The following MARCO variants were observed in gnomAD, a reference collection of about 807,000 sequenced individuals.
The protein encoded by MARCO is macrophage receptor MARCO.
Under a neutral mutation model 70.0 loss-of-function variants are expected in MARCO, and 72 were observed. The observed-to-expected ratio is 1.03, with a 90% CI of 0.85 to 1.25. The LOEUF (loss-of-function observed/expected upper bound fraction) is 1.25, where lower values mean the gene tolerates loss of function less well. MARCO is among the 50% of genes most tolerant of loss of function. The pLI, the probability that MARCO is intolerant of heterozygous loss-of-function variation, is 0.00. For missense variants in MARCO, 696 were observed against 659.3 expected (o/e 1.06, Z -0.61); for synonymous variants, 273 against 243.1 (o/e 1.12, Z -1.14).
intron 8 of MARCO, 110 bp from the exon 9 acceptor site, chr2:118,981,299 T>A (rs1680383395): frequency 9.7e-6 from 7 of 723,058 alleles, no homozygotes; most frequent in Non-Finnish European, 1.4e-5. Flanking sequence ...AAGTAGGAGC[T>A]CAAGGAGTTT....
intron 12 of MARCO, among the ~76,000 whole-genome samples, chr2:118,983,501 G>C (rs911283668): frequency 2.0e-5 from 3 of 152,162 alleles, no homozygotes; most frequent in Non-Finnish European, 4.4e-5. Flanking sequence ...TCGAGCCCCA[G>C]AGCAATTGTG....
chr2:118,993,369 T>C lies in MARCO; in HGVS notation c.1429+69T>C, dbSNP rs1254495996. 4 of 1,468,352 alleles carry C rather than the reference T, an allele frequency of 2.7e-6. No homozygotes were observed. The African/African-American group carries it at 5.6e-5, about 21-fold the overall frequency. 91.0% of individuals were successfully genotyped at this position (1,468,352 alleles called of 1,614,324 possible). On this transcript the variant is annotated intron_variant, in intron 16 of 16. Transcript: ENST00000327097. Reference sequence around the variant, plus strand: ...ATGTGGCTTTCTCTCGCTGGTGGGGTGTTGGCAAGTGACTCAGTGTGGTTT... The same window carrying C: ...ATGTGGCTTTCTCTCGCTGGTGGGGCGTTGGCAAGTGACTCAGTGTGGTTT...
chr2:118,950,480 G>C (rs964283800), intron 1 of MARCO, among the ~76,000 whole-genome samples: 2 of 152,060 alleles, frequency 1.3e-5, no homozygotes, highest in Non-Finnish European at 2.9e-5. Flanking sequence ...TTTTAATGTA[G>C]GTAGAAATCC....
chr2:118,968,277 C>T (rs1043154440), intron 1 of MARCO, among the ~76,000 whole-genome samples: 5 of 152,082 alleles, frequency 3.3e-5, no homozygotes, highest in African/African-American at 1.2e-4. Context: ...TTTGTAATGT[C>T]GCAAACTGGA....
At chr2:118,948,158 C>A (rs1679638847) in intron 1 of MARCO, among the ~76,000 whole-genome samples, 1 of 152,168 alleles carries the variant, frequency 6.6e-6, no homozygotes. Flanking sequence ...GACAAAAGAT[C>A]TCTCAGCAAG....
chr2:118,990,761 AGGG>A, intron 13 of MARCO, 128 bp downstream of exon 13: 2 of 876,320 alleles, frequency 2.3e-6, no homozygotes, highest in African/African-American at 1.7e-5. Context: ...TTAAGACTCC[AGGG>A]CTCTGTCACT....
At chr2:118,957,500 A>T (rs1679860131) in intron 1 of MARCO, among the ~76,000 whole-genome samples, 1 of 151,918 alleles carries the variant, frequency 6.6e-6, no homozygotes. Context: ...TAATTTAAAA[A>T]TTACCCCCCA....
chr2:118,962,017 T>C (rs1285260904), intron 1 of MARCO, among the ~76,000 whole-genome samples: 2 of 152,046 alleles, frequency 1.3e-5, no homozygotes, highest in Non-Finnish European at 2.9e-5. Context: ...TTGTTGAAGA[T>C]CAGATGCTCG....
chr2:118,945,636 C>A (rs926487737), intron 1 of MARCO, among the ~76,000 whole-genome samples: 4 of 152,002 alleles, frequency 2.6e-5, no homozygotes, highest in African/African-American at 7.3e-5. Context: ...TGGTGTCCAA[C>A]TCCTGACCTC....
At chr2:118,971,068 G>A (rs573699824) in intron 3 of MARCO, among the ~76,000 whole-genome samples, 1 of 152,316 alleles carries the variant, frequency 6.6e-6, no homozygotes, top group South Asian at 2.1e-4. Context: ...AAAAGACGAA[G>A]GCTGAGTGGG....
In MARCO at chr2:118,982,149, C is replaced by T. The variant is rs765502861; in HGVS notation, c.902-7C>T. ...CCACAGCCTGGCAGTCACTACTTTC[C>T]TTTCAGGACAACCTGGACTGCAGGG... On this transcript the variant is annotated splice_region_variant and splice_polypyrimidine_tract_variant and intron_variant, in intron 10 of 16. Transcript: ENST00000327097. The T allele has an allele frequency of 5.6e-6, 9 of 1,602,848 alleles. No homozygotes were observed. The highest frequency in any genetic ancestry group is 5.0e-5 in the Admixed American group (3 of 59,628).
intron 12 of MARCO, among the ~76,000 whole-genome samples, chr2:118,986,685 GAAA>G (rs1558671837): frequency 4.9e-4 from 22 of 44,700 alleles, no homozygotes; most frequent in Middle Eastern, 0.012. Context: ...AAGAAAGAAA[GAAA>G]GAAAGAAAGA....
chr2:118,989,326 A>C (rs1376113296), intron 12 of MARCO, among the ~76,000 whole-genome samples: 1 of 152,094 alleles, frequency 6.6e-6, no homozygotes, highest in East Asian at 1.9e-4. Flanking sequence ...AGCTCTTACA[A>C]AAACCTATCC....
intron 10 of MARCO, 141 bp downstream of exon 10, chr2:118,981,797 G>A (rs777044461): frequency 1.2e-5 from 11 of 890,098 alleles, no homozygotes; most frequent in African/African-American, 3.4e-5. Flanking sequence ...TCTGGCCCTG[G>A]CCAAGAGGAA....
At chr2:118,969,914 G>A (rs893535254) in intron 2 of MARCO, among the ~76,000 whole-genome samples, 200 bp from the exon 3 acceptor site, 4 of 152,300 alleles carry the variant, frequency 2.6e-5, no homozygotes, top group East Asian at 1.9e-4. Context: ...TTTTGTGGAC[G>A]TGCAATATCA....
At chr2:118,985,288 C>T (rs767100472) in intron 12 of MARCO, among the ~76,000 whole-genome samples, 7 of 152,038 alleles carry the variant, frequency 4.6e-5, no homozygotes, top group Non-Finnish European at 7.4e-5. Context: ...TGAGAGAAAT[C>T]GGTTACCTTC....
At position 118,978,614 on chromosome 2, in the gene MARCO, T is replaced by G. The variant is rs1486311913; in HGVS notation, c.766+679T>G. ...AGGCGGGCTTGGTTCCCATCCCTGCTCTGCACCTGCTCCCCTGTGTGACTA... is the reference window on the plus strand; with the variant it reads ...AGGCGGGCTTGGTTCCCATCCCTGCGCTGCACCTGCTCCCCTGTGTGACTA... On this transcript the variant is annotated intron_variant, in intron 8 of 16. Coordinates refer to ENST00000327097, the MANE Select transcript of MARCO (RefSeq NM_006770.4). 2.0e-5 allele frequency among the ~76,000 whole-genome samples: 3 copies of G among 152,240 alleles called. No individual in the cohort carries two copies. In the East Asian group the frequency reaches 5.8e-4, roughly 29 times the overall value.
At chr2:118,949,616 T>C (rs1573373957) in intron 1 of MARCO, 1 of 142,986 alleles carries the variant, frequency 7.0e-6, no homozygotes, top group Non-Finnish European at 1.5e-5. Context: ...TAGTAATGGA[T>C]TTAAGCACTG....
At chr2:118,952,140 G>A (rs1167784579) in intron 1 of MARCO, among the ~76,000 whole-genome samples, 2 of 152,002 alleles carry the variant, frequency 1.3e-5, no homozygotes, top group African/African-American at 2.4e-5. Context: ...TCTTACTACC[G>A]GAGGTTTGTG....
Sources: gnomAD v4.1 joint callset for allele counts (sites outside exome capture counted in the v4.1 genomes callset) on GRCh38, gnomAD v4.1.1 for gene constraint, MANE v1.5 for transcripts, NCBI Gene and HGNC (gene_info 2026-07-23, HGNC 2026-07-21) for gene names.